EHHADH: variants seen among roughly 807,000 people sequenced by gnomAD.
The protein encoded by EHHADH is peroxisomal bifunctional enzyme.
In EHHADH, 48 loss-of-function variants were observed where a neutral mutation model predicts 64.4. The ratio of observed to expected loss-of-function variants is 0.75; its 90% confidence interval spans 0.59 to 0.95. The LOEUF (loss-of-function observed/expected upper bound fraction) is 0.95, where lower values mean the gene tolerates loss of function less well. Ranked by LOEUF, EHHADH falls within the 40% of genes least tolerant of loss-of-function variation. The pLI is 0.00. For synonymous variants in EHHADH, 308 were observed against 326.7 expected (o/e 0.94, Z 0.62); for missense variants, 854 against 876.6 (o/e 0.97, Z 0.33).
intron 4 of EHHADH, among the ~76,000 whole-genome samples, chr3:185,227,444 A>T (rs1371847376): frequency 1.3e-5 from 2 of 151,894 alleles, no homozygotes; most frequent in African/African-American, 2.4e-5. Context: ...AGGCAGGAGA[A>T]TTGCGTGAAC....
intron 2 of EHHADH, 112 bp from the exon 3 acceptor site, chr3:185,235,574 T>A: frequency 2.1e-6 from 2 of 960,252 alleles, no homozygotes; most frequent in Non-Finnish European, 2.8e-6. Context: ...ATTTATTTCT[T>A]AATTTTTTTT....
intron 5 of EHHADH, among the ~76,000 whole-genome samples, chr3:185,205,483 C>A (rs935436588): frequency 6.6e-6 from 1 of 152,116 alleles, no homozygotes; most frequent in Non-Finnish European, 1.5e-5. Flanking sequence ...GTATATATAT[C>A]AATGGAAGAG....
chr3:185,252,175 G>A (rs980500580), intron 1 of EHHADH, among the ~76,000 whole-genome samples: 1 of 152,168 alleles, frequency 6.6e-6, no homozygotes, highest in Non-Finnish European at 1.5e-5. Context: ...GCCGAGGCAG[G>A]TGGATCACGA....
intron 1 of EHHADH, chr3:185,253,221 T>C (rs1719796181): frequency 7.2e-6 from 1 of 139,536 alleles, no homozygotes; most frequent in Admixed American, 7.5e-5. Context: ...CTGGCATTAG[T>C]GGGACTTTTA....
chr3:185,213,100 A>G (rs1014321070), intron 5 of EHHADH, among the ~76,000 whole-genome samples: 2 of 137,330 alleles, frequency 1.5e-5, no homozygotes, highest in Non-Finnish European at 3.1e-5. Flanking sequence ...AGCCTGGGTG[A>G]AGAAGCAAGA....
At chr3:185,221,342 A>T (rs1039882556) in intron 4 of EHHADH, among the ~76,000 whole-genome samples, 2 of 152,104 alleles carry the variant, frequency 1.3e-5, no homozygotes, top group Admixed American at 1.3e-4. Flanking sequence ...AGTATGTTGG[A>T]TCCTAAGCAT....
intron 2 of EHHADH, among the ~76,000 whole-genome samples, chr3:185,243,188 A>T (rs887195581): frequency 6.6e-6 from 1 of 152,204 alleles, no homozygotes; most frequent in Non-Finnish European, 1.5e-5. Flanking sequence ...CCATTTCCGC[A>T]GTTTGGGCAC....
chr3:185,217,074 A>AAT (rs1718700148), intron 5 of EHHADH, among the ~76,000 whole-genome samples: 1 of 152,090 alleles, frequency 6.6e-6, no homozygotes, highest in Non-Finnish European at 1.5e-5. Context: ...AGAGCCTGTG[A>AAT]TATGGTTTAG....
intron 3 of EHHADH, among the ~76,000 whole-genome samples, chr3:185,230,358 T>C (rs528113974): frequency 4.6e-5 from 7 of 152,098 alleles, no homozygotes; most frequent in Non-Finnish European, 1.0e-4. Context: ...CCCACAAAAA[T>C]CCTGTATACA....
Position 185,193,476 on chromosome 3 carries a change from T to C in EHHADH, c.922A>G (p.Met308Val). The C allele has an allele frequency of 6.2e-7, 1 of 1,613,938 alleles. No homozygotes were observed. The highest frequency in any genetic ancestry group is 1.7e-4 in the Middle Eastern group (1 of 6,056). ...SSVGVVGLGT[M>V]GRGIVISFAR... ...AAAGAAATGACAATGCCTCGGCCCA[T>C]TGTTCCCAAGCCTGCAGATAAAAAT... The change falls in exon 7 of 7, where the codon ATG becomes GTG. Residue 308 changes from methionine to valine, a missense_variant. Physicochemically the swap from Met to Val is conservative, Grantham distance 21 (BLOSUM62 1). Transcript: ENST00000231887.
chr3:185,249,066 T>C (rs1719673156), intron 1 of EHHADH, among the ~76,000 whole-genome samples: 1 of 152,214 alleles, frequency 6.6e-6, no homozygotes, highest in African/African-American at 2.4e-5. Context: ...CAAATATCCA[T>C]TCCTCTCCAT....
intron 1 of EHHADH, among the ~76,000 whole-genome samples, chr3:185,252,216 A>G (rs2108654891): frequency 6.6e-6 from 1 of 152,270 alleles, no homozygotes; most frequent in Non-Finnish European, 1.5e-5. Context: ...CCTGGCCAAC[A>G]TGGTGAAACC....
rs55702263 is a variant in EHHADH at position 185,217,920 on chromosome 3, A to T, written c.568+216T>A. The stretch of plus-strand genomic sequence containing the variant: ...GCTGGGATTACAGGCGCCCGCCACC[A>T]CGCCCGGCTAATTTTTTGTATTTTT... On this transcript the variant is annotated intron_variant, in intron 5 of 6. Coordinates refer to ENST00000231887, the MANE Select transcript of EHHADH (RefSeq NM_001966.4). Among the ~76,000 whole-genome samples, 98,919 of 150,872 alleles carry T rather than the reference A, an allele frequency of 0.66. 34,571 individuals carry two copies. The highest frequency in any genetic ancestry group is 0.79 in the Non-Finnish European group (53,284 of 67,760).
intron 4 of EHHADH, among the ~76,000 whole-genome samples, chr3:185,226,387 G>A (rs1480675949): frequency 2.0e-5 from 3 of 152,128 alleles, no homozygotes; most frequent in African/African-American, 4.8e-5. Context: ...AGTGGCTCAC[G>A]CCTGTAATCC....
chr3:185,223,730 C>A (rs1215138616), intron 4 of EHHADH, among the ~76,000 whole-genome samples: 1 of 152,168 alleles, frequency 6.6e-6, no homozygotes, highest in Non-Finnish European at 1.5e-5. Context: ...CAAAGCCTGT[C>A]CTGTGAATGA....
intron 2 of EHHADH, chr3:185,245,901 C>T: frequency 8.2e-7 from 1 of 1,218,426 alleles, no homozygotes; most frequent in Admixed American, 1.7e-5. Flanking sequence ...ATGTTGAACA[C>T]ACAATTCAGC....
At chr3:185,219,865 T>C (rs1330240678) in intron 4 of EHHADH, among the ~76,000 whole-genome samples, 1 of 152,188 alleles carries the variant, frequency 6.6e-6, no homozygotes, top group Non-Finnish European at 1.5e-5. Context: ...GGATAGAAAG[T>C]TCAGTGATTT....
chr3:185,241,273 C>T (rs1719444306), intron 2 of EHHADH, among the ~76,000 whole-genome samples: 1 of 152,080 alleles, frequency 6.6e-6, no homozygotes, highest in South Asian at 2.1e-4. Context: ...AATGTGTGTG[C>T]AAGTATCTTT....
At chr3:185,234,708 T>G (rs1315257890) in intron 3 of EHHADH, among the ~76,000 whole-genome samples, 6 of 150,502 alleles carry the variant, frequency 4.0e-5, no homozygotes, top group Admixed American at 3.3e-4. Flanking sequence ...TCCCCTGTAG[T>G]TGATGGATCA....
Sources: allele counts gnomAD v4.1 joint callset (sites outside exome capture counted in the v4.1 genomes callset), GRCh38; gene constraint gnomAD v4.1.1; transcripts MANE v1.5; gene names NCBI Gene and HGNC (gene_info 2026-07-23, HGNC 2026-07-21).